The following NFATC2 variants were observed in gnomAD, a reference collection of about 807,000 sequenced individuals.
NFATC2 encodes the protein nuclear factor of activated T-cells, cytoplasmic 2.
A neutral mutation model predicts 87.3 loss-of-function variants in NFATC2; 22 were observed. That is an observed-to-expected ratio of 0.25 (90% CI 0.18 to 0.36). The LOEUF (loss-of-function observed/expected upper bound fraction) is 0.36. NFATC2 is among the 10% of genes least tolerant of loss of function. The probability of loss-of-function intolerance (pLI) is 1.00; values close to 1 mark genes in which losing one functional copy is unlikely to be tolerated. For missense variants in NFATC2, 1,149 were observed against 1,259.1 expected (o/e 0.91, Z 1.32); for synonymous variants, 565 against 542.2 (o/e 1.04, Z -0.58).
intron 5 of NFATC2, among the ~76,000 whole-genome samples, chr20:51,465,335 G>A (rs1273997452): frequency 6.6e-6 from 1 of 152,138 alleles, no homozygotes; most frequent in Admixed American, 6.6e-5. Flanking sequence ...AGCCAAGATT[G>A]CACCACTGCA....
In NFATC2 at chr20:51,479,579, C is replaced by T. The variant is rs542630302; in HGVS notation, c.1333-3919G>A. On this transcript the variant is annotated intron_variant, in intron 3 of 10. Transcript: ENST00000371564. ...AGGCTACAGTGAGCCACAATCGTGC[C>T]ACTGCACTCCAGCCTGGGTAGCAGA... is the stretch of plus-strand genomic sequence containing the variant. 2.6e-5 allele frequency among the ~76,000 whole-genome samples: 4 copies of T among 152,342 alleles called. No individual in the cohort carries two copies. In the East Asian group the frequency reaches 7.7e-4, roughly 29 times the overall value.
rs961208838 is a variant in NFATC2 at position 51,524,171 on chromosome 20, G to A, written c.131-61C>T. On this transcript the variant is annotated intron_variant, in intron 1 of 10. Coordinates refer to ENST00000371564, the MANE Select transcript of NFATC2 (RefSeq NM_012340.5). This position sits in a 1 kb window ranked among gnomAD's most constrained non-coding sequence, Gnocchi z 4.0. ...CCTCAAAAACAGAACTCCCGGTGCA[G>A]AGCAATCACAGGCTGGATTTCGTCT... 1.1e-5 allele frequency: 15 copies of A among 1,356,732 alleles called. No homozygotes were observed. The highest frequency in any genetic ancestry group is 1.4e-5 in the Non-Finnish European group (15 of 1,038,306). 84.0% of individuals were successfully genotyped at this position (1,356,732 alleles called of 1,614,324 possible). A position where few individuals can be genotyped will look rare whatever the true frequency, so the allele number is the denominator to read the frequency against.
chr20:51,528,450 A>G (rs115137285), intron 1 of NFATC2, among the ~76,000 whole-genome samples: 122 of 152,318 alleles, frequency 8.0e-4, no homozygotes, highest in African/African-American at 2.7e-3. Context: ...TATACAGATT[A>G]CACCTGCACA....
At chr20:51,393,014 T>A (rs6013171) in intron 10 of NFATC2, among the ~76,000 whole-genome samples, 2,391 of 152,344 alleles carry the variant, frequency 0.016, 49 homozygotes, top group African/African-American at 0.053. Flanking sequence ...GTGAGGATGC[T>A]AAGCATTCAC....
chr20:51,394,865 C>T (rs1428392062), intron 10 of NFATC2, among the ~76,000 whole-genome samples: 1 of 152,220 alleles, frequency 6.6e-6, no homozygotes, highest in Non-Finnish European at 1.5e-5. Flanking sequence ...CAGTGTTCTG[C>T]CTCTTCCTGG....
In NFATC2 at chr20:51,410,209, C is replaced by CAAAAA. The variant is rs386393961; in HGVS notation, c.2723-11484_2723-11480dup. ...TGGGCGACAGAGCGAGACTCTGTCT[C>CAAAAA]AAAAAAAAAAAAAAAAAAAGCGAAA... On this transcript the variant is annotated intron_variant, in intron 9 of 10. Transcript: ENST00000371564. Among the ~76,000 whole-genome samples the CAAAAA allele has an allele frequency of 4.1e-4, 42 of 103,076 alleles. 1 individual carries two copies. Among genetic ancestry groups the CAAAAA allele is most frequent in the African/African-American group, 1.5e-3 (37 of 24,476 alleles). 67.6% of individuals were successfully genotyped at this position (103,076 alleles called of 152,430 possible).
chr20:51,544,219 C>T (rs1362143906), upstream of NFATC2, among the ~76,000 whole-genome samples: 2 of 151,850 alleles, frequency 1.3e-5, no homozygotes, highest in South Asian at 2.1e-4. Context: ...GATCTCCTGA[C>T]CTCGTGATCC....
intron 1 of NFATC2, among the ~76,000 whole-genome samples, chr20:51,536,741 A>G (rs1342830965): frequency 1.3e-5 from 2 of 152,126 alleles, no homozygotes; most frequent in Admixed American, 1.3e-4. Context: ...TCTAGCCCTC[A>G]TTTCACCTTT....
intron 1 of NFATC2, among the ~76,000 whole-genome samples, chr20:51,539,150 T>C (rs960372112): frequency 1.3e-4 from 20 of 152,176 alleles, no homozygotes; most frequent in African/African-American, 4.8e-4. Context: ...CTAAACTCCA[T>C]AAAATGAGCA....
intron 3 of NFATC2, among the ~76,000 whole-genome samples, chr20:51,483,616 C>A (rs1989464731): frequency 6.8e-6 from 1 of 146,480 alleles, no homozygotes; most frequent in Non-Finnish European, 1.5e-5. Flanking sequence ...TCCCCCCCAC[C>A]ACACACACAC....
chr20:51,512,448 G>T (rs1427887094), intron 3 of NFATC2, among the ~76,000 whole-genome samples: 1 of 152,126 alleles, frequency 6.6e-6, no homozygotes, highest in African/African-American at 2.4e-5. Context: ...TCTCACCAAC[G>T]TTGTATCACC....
At chr20:51,558,209 G>A (rs2076994146) in intron 1 of NFATC2, among the ~76,000 whole-genome samples, 2 of 152,110 alleles carry the variant, frequency 1.3e-5, no homozygotes, top group South Asian at 4.2e-4. Context: ...AGGTATGGTG[G>A]TGCACCCCTC....
At chr20:51,503,543 G>A (rs1373527447) in intron 3 of NFATC2, among the ~76,000 whole-genome samples, 5 of 152,186 alleles carry the variant, frequency 3.3e-5, no homozygotes, top group South Asian at 2.1e-4. Flanking sequence ...GGCGGGCATC[G>A]GAGGGCCCAG....
At chr20:51,444,557 T>C (rs1984799977) in intron 6 of NFATC2, among the ~76,000 whole-genome samples, 1 of 151,888 alleles carries the variant, frequency 6.6e-6, no homozygotes, top group Non-Finnish European at 1.5e-5. Flanking sequence ...CTGGGAGAAA[T>C]GAGCAAGCTT....
intron 3 of NFATC2, among the ~76,000 whole-genome samples, chr20:51,485,363 C>A (rs1011697102): frequency 2.6e-5 from 4 of 152,238 alleles, no homozygotes; most frequent in African/African-American, 9.6e-5. Context: ...CCCCTCTCCA[C>A]TCTCAGCTTC....
intron 5 of NFATC2, among the ~76,000 whole-genome samples, chr20:51,469,403 A>C (rs1465110996): frequency 6.6e-6 from 1 of 152,168 alleles, no homozygotes; most frequent in African/African-American, 2.4e-5. Context: ...GACAGTGTGC[A>C]AAAGCCAAAA....
chr20:51,451,744 C>G (rs1277935328), intron 6 of NFATC2, among the ~76,000 whole-genome samples: 2 of 152,116 alleles, frequency 1.3e-5, no homozygotes, highest in Non-Finnish European at 2.9e-5. Flanking sequence ...GAGCATGAAC[C>G]CTACTGTAAA....
chr20:51,542,624 A>ACG lies in NFATC2; in HGVS notation c.-127_-126dup. Reference sequence around the variant, plus strand: ...GGGGTCCCTTTCCTCGTAGGGACGCACGCCGGGTCCGGGGACGGCGCGCCT... The same window carrying ACG: ...GGGGTCCCTTTCCTCGTAGGGACGCACGCGCCGGGTCCGGGGACGGCGCGCCT... On this transcript the variant is annotated 5_prime_UTR_variant, in exon 1 of 11. Transcript: ENST00000371564. 1 of 1,201,778 alleles carries ACG rather than the reference A, an allele frequency of 8.3e-7. No homozygotes were observed. Among genetic ancestry groups the ACG allele is most frequent in the Non-Finnish European group, 1.0e-6 (1 of 965,666 alleles). 74.4% of individuals were successfully genotyped at this position (1,201,778 alleles called of 1,614,324 possible).
chr20:51,465,519 C>T (rs1987596834), intron 5 of NFATC2, among the ~76,000 whole-genome samples: 1 of 152,164 alleles, frequency 6.6e-6, no homozygotes, highest in African/African-American at 2.4e-5. Flanking sequence ...ACCTATAACA[C>T]TCCACACAGT....
Sources: gnomAD v4.1 joint callset for allele counts (sites outside exome capture counted in the v4.1 genomes callset) on GRCh38, gnomAD v4.1.1 for gene constraint, Gnocchi (gnomAD v3.1) non-coding constraint, MANE v1.5 for transcripts, NCBI Gene and HGNC (gene_info 2026-07-23, HGNC 2026-07-21) for gene names.